IFIH1: variants seen among roughly 807,000 people sequenced by gnomAD.
The protein encoded by IFIH1 is interferon induced with helicase C domain 1, also known as interferon-induced helicase C domain-containing protein 1.
Under a neutral mutation model 107.4 loss-of-function variants are expected in IFIH1, and 125 were observed. The observed-to-expected ratio is 1.16, with a 90% CI of 1.01 to 1.35. IFIH1 has a LOEUF of 1.35. Ranked by LOEUF, IFIH1 falls within the 40% of genes most tolerant of loss-of-function variation. The pLI, the probability that IFIH1 is intolerant of heterozygous loss-of-function variation, is 0.00. For missense variants in IFIH1, 1,333 were observed against 1,213.7 expected, an observed-to-expected ratio of 1.10 and a Z score of -1.46; for synonymous variants, 458 against 413.2, an observed-to-expected ratio of 1.11 and a Z score of -1.31.
intron 1 of IFIH1, among the ~76,000 whole-genome samples, chr2:162,315,318 G>A (rs62188193): frequency 0.024 from 3,653 of 152,282 alleles, 52 homozygotes; most frequent in Non-Finnish European, 0.038. Flanking sequence ...AGTAATCAAT[G>A]CTTACTAAAC....
In IFIH1 at chr2:162,281,464, A is replaced by C. The variant is rs1181270642; in HGVS notation, c.1388T>G (p.Met463Arg). 3.1e-6 allele frequency: 5 copies of C among 1,612,272 alleles called. No individual in the cohort carries two copies. In the African/African-American group the frequency reaches 6.7e-5, roughly 22 times the overall value. ...GAGTCTATTGTTTTTCAACTTCTGC[A>C]TCAAATAATGCCTCATGATGTTATT... ...VYNNIMRHYL[M>R]QKLKNNRLKK... The change falls in exon 7 of 16, where the codon ATG (methionine) becomes AGG (arginine). Residue 463 changes from methionine to arginine, a missense_variant. Transcript: ENST00000649979.
Position 162,317,912 on chromosome 2 carries a change from T to A in IFIH1, c.396A>T (p.Arg132Ser). 6.2e-7 allele frequency: 1 copy of A among 1,613,336 alleles called. No homozygotes were observed. Among genetic ancestry groups the A allele is most frequent in the Non-Finnish European group, 8.5e-7 (1 of 1,179,548 alleles). Reference sequence around the variant, plus strand: ...CCTCCATGCACTTATCCAAGACGTCTCTAACTAGAAGCTTGTCCACCAGAG... The same window carrying A: ...CCTCCATGCACTTATCCAAGACGTCACTAACTAGAAGCTTGTCCACCAGAG... ...QPTLVDKLLVRDVLDKCMEEE... is the reference protein window; with the variant it reads ...QPTLVDKLLVSDVLDKCMEEE... Residue 132 changes from arginine to serine, a missense_variant, in exon 1 of 16, where the codon AGA becomes AGT. Coordinates refer to ENST00000649979, the MANE Select transcript of IFIH1 (RefSeq NM_022168.4).
rs145828084 is a variant in IFIH1 at position 162,300,065 on chromosome 2, T to C, written c.770-6397A>G. Reference sequence around the variant, plus strand: ...GATCTTCTCTCTTCATCCTGTAATATAGATCTTGCATCTCTTTTACCATGG... The same window carrying C: ...GATCTTCTCTCTTCATCCTGTAATACAGATCTTGCATCTCTTTTACCATGG... On this transcript the variant is annotated intron_variant, in intron 3 of 15. Coordinates refer to ENST00000649979, the MANE Select transcript of IFIH1 (RefSeq NM_022168.4). Among the ~76,000 whole-genome samples the C allele has an allele frequency of 2.8e-3, 431 of 152,342 alleles. 2 individuals are homozygous for C. The highest frequency in any genetic ancestry group is 9.5e-3 in the African/African-American group (395 of 41,590).
chr2:162,268,574 AC>A (rs1553696658), intron 13 of IFIH1, among the ~76,000 whole-genome samples: 1 of 152,002 alleles, frequency 6.6e-6, no homozygotes, highest in Non-Finnish European at 1.5e-5. Context: ...TGTCTAGCCT[AC>A]CCATTTGTTA....
intron 7 of IFIH1, among the ~76,000 whole-genome samples, chr2:162,280,965 A>G (rs576527769): frequency 1.3e-5 from 2 of 152,180 alleles, no homozygotes; most frequent in East Asian, 3.9e-4. Context: ...AAACTCATGG[A>G]GTAAGACTTT....
At chr2:162,315,206 TCATC>T (rs1683466435) in intron 1 of IFIH1, among the ~76,000 whole-genome samples, 1 of 152,224 alleles carries the variant, frequency 6.6e-6, no homozygotes, top group South Asian at 2.1e-4. Flanking sequence ...TTTTCATCAT[TCATC>T]CATTCTCTAA....
chr2:162,301,468 G>C (rs1338834003), intron 3 of IFIH1, among the ~76,000 whole-genome samples: 1 of 152,126 alleles, frequency 6.6e-6, no homozygotes, highest in Non-Finnish European at 1.5e-5. Context: ...GGGATTTTCT[G>C]CTCCATTCTG....
intron 5 of IFIH1, among the ~76,000 whole-genome samples, chr2:162,283,971 T>A (rs1196646526): frequency 6.7e-6 from 1 of 148,354 alleles, no homozygotes; most frequent in Non-Finnish European, 1.5e-5. Context: ...AAGAGAAACT[T>A]TCATTTAGTT....
intron 1 of IFIH1, among the ~76,000 whole-genome samples, chr2:162,316,307 A>G (rs1006485518): frequency 6.6e-6 from 1 of 152,176 alleles, no homozygotes; most frequent in African/African-American, 2.4e-5. Context: ...TTCCATCTCC[A>G]GCTGGCTTGA....
At chr2:162,314,399 C>CTTTCTTTA (rs1440249231) in intron 1 of IFIH1, among the ~76,000 whole-genome samples, 1 of 56,760 alleles carries the variant, frequency 1.8e-5, no homozygotes, top group African/African-American at 9.4e-5. Context: ...TCCCTCCCTC[C>CTTTCTTTA]TTTCTTTCTT....
chr2:162,276,244 T>C (rs754939946), intron 11 of IFIH1, among the ~76,000 whole-genome samples: 29 of 152,132 alleles, frequency 1.9e-4, no homozygotes, highest in Non-Finnish European at 3.4e-4. Context: ...AATGTATTCA[T>C]GGGTGGTGAG....
chr2:162,318,577 T>G lies in IFIH1; in HGVS notation c.-270A>C. 8.6e-6 allele frequency: 2 copies of G among 232,916 alleles called. No individual in the cohort carries two copies. The highest frequency in any genetic ancestry group is 1.6e-5 in the Non-Finnish European group (2 of 122,448). 14.4% of individuals were successfully genotyped at this position (232,916 alleles called of 1,614,324 possible). A position where few individuals can be genotyped will look rare whatever the true frequency, so the allele number is the denominator to read the frequency against. ...AGGTGCGGCCGGCAGGCGCGGCACTTTGGACTCTGCGGTGTGCGCCTGGGG... is the reference window on the plus strand; with the variant it reads ...AGGTGCGGCCGGCAGGCGCGGCACTGTGGACTCTGCGGTGTGCGCCTGGGG... On this transcript the variant is annotated 5_prime_UTR_variant, in exon 1 of 16. Transcript: ENST00000649979.
At chr2:162,277,097 G>A (rs1438443225) in intron 10 of IFIH1, 151 bp from the exon 11 acceptor site, 1 of 641,284 alleles carries the variant, frequency 1.6e-6, no homozygotes, top group African/African-American at 1.9e-5. Context: ...GTATAAATTA[G>A]TAAAACATAC....
rs11321716 is a variant in IFIH1 at position 162,283,982 on chromosome 2, C to CT, written c.1096-1407dup. Among the ~76,000 whole-genome samples the CT allele has an allele frequency of 8.6e-4, 126 of 146,396 alleles. No homozygotes were observed. The South Asian group carries it at 0.011, about 13-fold the overall frequency. Reference sequence around the variant, plus strand: ...TAAGAAGAGAAACTTTCATTTAGTTCTTTTTTTTTTTCAAAGTAAAGTCTC... The same window carrying CT: ...TAAGAAGAGAAACTTTCATTTAGTTCTTTTTTTTTTTTCAAAGTAAAGTCTC... On this transcript the variant is annotated intron_variant, in intron 5 of 15. Transcript: ENST00000649979.
rs752133326 is a variant in IFIH1 at position 162,267,190 on chromosome 2, C to T, written c.*10G>A. On this transcript the variant is annotated 3_prime_UTR_variant, in exon 16 of 16. Transcript: ENST00000649979. ...ACTGATAGTATTTTAAAAGAATCTT[C>T]AATCAAGTGCTAATCCTCATCACTA... The T allele has an allele frequency of 6.5e-6, 10 of 1,544,670 alleles. No homozygotes were observed. In the South Asian group the frequency reaches 1.2e-4, roughly 19 times the overall value.
intron 1 of IFIH1, among the ~76,000 whole-genome samples, chr2:162,315,106 G>T (rs990830602): frequency 4.6e-5 from 7 of 152,116 alleles, no homozygotes; most frequent in Non-Finnish European, 1.0e-4. Flanking sequence ...AACAGAAAAA[G>T]AATGAAAATA....
At chr2:162,278,420 T>C (rs1462854477) in intron 8 of IFIH1, 92 bp from the exon 9 acceptor site, 2 of 689,526 alleles carry the variant, frequency 2.9e-6, no homozygotes, top group Non-Finnish European at 4.6e-6. Flanking sequence ...TTATAATAAA[T>C]CTGATTCATC....
rs749728157 is a variant in IFIH1, at chr2:162,278,224, G to A, written c.1746C>T (p.Ala582=). 1.2e-6 allele frequency: 2 copies of A among 1,603,748 alleles called. No homozygotes were observed. The highest frequency in any genetic ancestry group is 1.7e-5 in the Admixed American group (1 of 57,916). Residue 582 remains alanine (A), a synonymous_variant, in exon 9 of 16, where the codon GCC becomes GCT. Transcript: ENST00000649979. ...AATTACCTTTTTTTTCCATTTGAAT[G>A]GCCCATTGTTCATAGGGTTGAGTTC... ...DFGTQPYEQW[A]IQMEKKAAKE... is the part of the protein sequence containing the mutation.
intron 1 of IFIH1, among the ~76,000 whole-genome samples, chr2:162,314,434 T>TTCTTTCTC (rs1683445775): frequency 8.8e-6 from 1 of 114,278 alleles, no homozygotes; most frequent in African/African-American, 4.6e-5. Context: ...CTTTCTTTCT[T>TTCTTTCTC]TCTTTCTTTC....
Sources: gnomAD v4.1 joint callset for allele counts (sites outside exome capture counted in the v4.1 genomes callset) on GRCh38, gnomAD v4.1.1 for gene constraint, MANE v1.5 for transcripts, NCBI Gene and HGNC (gene_info 2026-07-23, HGNC 2026-07-21) for gene names.